FAHD2B: variants seen among roughly 807,000 people sequenced by gnomAD.
FAHD2B encodes the protein oxaloacetate tautomerase FAHD2B, mitochondrial.
A neutral mutation model predicts 33.7 loss-of-function variants in FAHD2B; 26 were observed. The ratio of observed to expected loss-of-function variants is 0.77; its 90% confidence interval spans 0.57 to 1.07. The LOEUF is 1.07. FAHD2B is among the 50% of genes least tolerant of loss of function. The pLI is 0.00. For synonymous variants in FAHD2B, 108 were observed against 150.9 expected (o/e 0.72, Z 2.08); for missense variants, 272 against 388.1 (o/e 0.70, Z 2.51).
rs1178084648 is a variant in FAHD2B at position 97,090,140 on chromosome 2, T to C, written c.431A>G (p.Tyr144Cys). ...CTGTGGTGGGAGGACCACCTCATCA[T>C]AGGGCCCCACGATGGAGCTGGCAAA... ...SKFASSIVGP[Y>C]DEVVLPPQSQ... The change falls in exon 4 of 9, where the codon TAT becomes TGT. Residue 144 changes from tyrosine (Y) to cysteine (C), a missense_variant. Physicochemically the swap from Tyr to Cys is radical, Grantham distance 194. Transcript: ENST00000414820. The C allele has an allele frequency of 4.4e-6, 7 of 1,607,648 alleles. No homozygotes were observed. In the South Asian group the frequency reaches 4.4e-5, roughly 10 times the overall value.
chr2:97,078,808 T>C (rs1403090269), downstream of FAHD2B, among the ~76,000 whole-genome samples: 2 of 152,126 alleles, frequency 1.3e-5, no homozygotes, highest in Non-Finnish European at 2.9e-5. Context: ...TGCAGGTTTG[T>C]TACATAGGTA....
At chr2:97,089,321 C>T (rs970592157) in intron 4 of FAHD2B, among the ~76,000 whole-genome samples, 1 of 151,430 alleles carries the variant, frequency 6.6e-6, no homozygotes, top group Non-Finnish European at 1.5e-5. Context: ...GAGACTGAGA[C>T]CATCCTGGCC....
chr2:97,080,908 T>C (rs2031619565), downstream of FAHD2B, among the ~76,000 whole-genome samples: 1 of 152,132 alleles, frequency 6.6e-6, no homozygotes, highest in African/African-American at 2.4e-5. Flanking sequence ...TGTATAGAAA[T>C]GCTATAACAA....
downstream of FAHD2B, among the ~76,000 whole-genome samples, chr2:97,078,800 C>T (rs2031561989): frequency 6.6e-6 from 1 of 151,936 alleles, no homozygotes; most frequent in Non-Finnish European, 1.5e-5. Flanking sequence ...GCAGGATGTG[C>T]AGGTTTGTTA....
At chr2:97,081,979 C>G (rs1298299934), downstream of FAHD2B, 4 of 1,349,738 alleles carry the variant, frequency 3.0e-6, no homozygotes, top group Admixed American at 7.2e-5. Flanking sequence ...TGTCAGAGAA[C>G]AATGGCTCCG....
chr2:97,081,003 C>T (rs1456607749), downstream of FAHD2B: 1 of 1,178,264 alleles, frequency 8.5e-7, no homozygotes, highest in Non-Finnish European at 1.1e-6. Context: ...CGCGGTGCCT[C>T]ATGCCTGTGA....
rs758226009 is a variant in FAHD2B, at chr2:97,084,297, C to A, written c.686-20G>T. 6 of 1,611,686 alleles carry A rather than the reference C, an allele frequency of 3.7e-6. No homozygotes were observed. In the East Asian group the frequency reaches 6.7e-5, roughly 18 times the overall value. On this transcript the variant is annotated intron_variant, in intron 6 of 8. Coordinates refer to ENST00000414820, the MANE Select transcript of FAHD2B (RefSeq NM_001320848.2). ...GTGGATCTGAAATGCAAAGATGGAA[C>A]CTTGGAGTTATCCCTTTTCCCCCTC...
intron 6 of FAHD2B, 126 bp downstream of exon 6, chr2:97,085,573 T>C (rs1466286366): frequency 3.7e-5 from 53 of 1,435,692 alleles, no homozygotes; most frequent in Non-Finnish European, 4.5e-5. Context: ...TTTCCCTGTA[T>C]GGAGTCAGCA....
chr2:97,087,513 C>A (rs1303408542), intron 4 of FAHD2B, among the ~76,000 whole-genome samples: 2 of 152,004 alleles, frequency 1.3e-5, no homozygotes, highest in African/African-American at 2.4e-5. Context: ...GCCTGGCCAA[C>A]ATGGTGAAAC....
chr2:97,088,347 G>A (rs1323061278), intron 4 of FAHD2B, among the ~76,000 whole-genome samples: 3 of 152,076 alleles, frequency 2.0e-5, no homozygotes, highest in Non-Finnish European at 2.9e-5. Context: ...GGAGGGACCC[G>A]GTGGGAGATG....
rs1447394489 is a variant in FAHD2B at position 97,090,407 on chromosome 2, C to G, written c.246-82G>C. The stretch of plus-strand genomic sequence containing the variant: ...GCAGGCTGGGCAGATCCTGCAGCAG[C>G]TACAGGTTTTGCTTTTTGAAATCTA... On this transcript the variant is annotated intron_variant, in intron 3 of 8. Coordinates refer to ENST00000414820, the MANE Select transcript of FAHD2B (RefSeq NM_001320848.2). The G allele has an allele frequency of 4.8e-6, 7 of 1,471,826 alleles. 1 individual carries two copies. The highest frequency in any genetic ancestry group is 4.3e-5 in the African/African-American group (3 of 70,358). The allele number at this position is 1,471,826 out of a possible 1,614,324, so 91.2% of individuals were successfully genotyped here. A position where few individuals can be genotyped will look rare whatever the true frequency, so the allele number is the denominator to read the frequency against.
downstream of FAHD2B, chr2:97,083,540 C>T (rs541446933): frequency 1.0e-6 from 1 of 973,916 alleles, no homozygotes; most frequent in Non-Finnish European, 1.5e-6. Context: ...CAACTTGTTC[C>T]ATGAAACAAA....
At chr2:97,079,900 G>C (rs1386554650), downstream of FAHD2B, among the ~76,000 whole-genome samples, 1 of 151,976 alleles carries the variant, frequency 6.6e-6, no homozygotes, top group African/African-American at 2.4e-5. Context: ...TCTGACCTCA[G>C]GTGATCCTCC....
chr2:97,089,007 G>A (rs991127255), intron 4 of FAHD2B, among the ~76,000 whole-genome samples: 5 of 152,026 alleles, frequency 3.3e-5, no homozygotes, highest in Admixed American at 2.6e-4. Flanking sequence ...AAGTATATGA[G>A]CATTCACTGT....
chr2:97,091,261 G>GCT (rs2032319265), intron 3 of FAHD2B, among the ~76,000 whole-genome samples: 1 of 133,028 alleles, frequency 7.5e-6, no homozygotes, highest in South Asian at 2.3e-4. Context: ...ACCTCCCCTA[G>GCT]CTCTCTGTTT....
At chr2:97,090,707 A>G (rs1438582193) in intron 3 of FAHD2B, among the ~76,000 whole-genome samples, 1 of 152,088 alleles carries the variant, frequency 6.6e-6, no homozygotes, top group African/African-American at 2.4e-5. Context: ...TTTTAAAAAA[A>G]CAACTGACTT....
chr2:97,087,882 C>T (rs532496184), intron 4 of FAHD2B, among the ~76,000 whole-genome samples: 7 of 152,170 alleles, frequency 4.6e-5, no homozygotes, highest in African/African-American at 1.4e-4. Flanking sequence ...ACCTAGTGAA[C>T]GTCAGCTAAA....
At position 97,086,121 on chromosome 2, in the gene FAHD2B, C is replaced by T. The variant is rs1461014280; in HGVS notation, c.522+18G>A. On this transcript the variant is annotated intron_variant, in intron 5 of 8. Transcript: ENST00000414820. ...CTCTGCTGCACTCTGGCCTGGGAGC[C>T]CACCCTTTCCACCTCACCTTGATGT... 1 of 1,612,224 alleles carries T rather than the reference C, an allele frequency of 6.2e-7. No individual in the cohort carries two copies. The highest frequency in any genetic ancestry group is 1.3e-5 in the African/African-American group (1 of 74,868).
downstream of FAHD2B, among the ~76,000 whole-genome samples, chr2:97,080,319 C>T (rs962305406): frequency 1.3e-5 from 2 of 152,076 alleles, no homozygotes; most frequent in Non-Finnish European, 2.9e-5. Context: ...GGCTAGCCAG[C>T]TTTCCCAGCA....
Sources: allele counts gnomAD v4.1 joint callset (sites outside exome capture counted in the v4.1 genomes callset), GRCh38; gene constraint gnomAD v4.1.1; transcripts MANE v1.5; gene names NCBI Gene and HGNC (gene_info 2026-07-23, HGNC 2026-07-21).